Variants in CAPN8 observed in about 807,000 individuals in gnomAD.
CAPN8 encodes calpain 8.
A neutral mutation model predicts 80.9 loss-of-function variants in CAPN8; 87 were observed. The ratio of observed to expected loss-of-function variants is 1.07; its 90% CI spans 0.90 to 1.28. CAPN8 has a LOEUF of 1.28. Among genes scored for constraint, CAPN8 ranks in the 50% most tolerant of loss-of-function variants. The pLI is 0.00. For missense variants in CAPN8, 757 were observed against 702.0 expected, an observed-to-expected ratio of 1.08 and a Z score of -0.89; for synonymous variants, 299 against 273.8, an observed-to-expected ratio of 1.09 and a Z score of -0.91.
intron 1 of CAPN8, among the ~76,000 whole-genome samples, chr1:223,662,592 G>A (rs1330621980): frequency 6.6e-6 from 1 of 152,202 alleles, no homozygotes; most frequent in Non-Finnish European, 1.5e-5. Context: ...GGGTGGTGAT[G>A]GTTGCATAGC....
chr1:223,544,974 T>G, intron 17 of CAPN8, 124 bp from the exon 18 acceptor site: 1 of 1,495,294 alleles, frequency 6.7e-7, no homozygotes, highest in Non-Finnish European at 8.9e-7. Context: ...CCCTATTGAC[T>G]CCTCCCAAGA....
intron 1 of CAPN8, among the ~76,000 whole-genome samples, chr1:223,655,467 T>G (rs550485694): frequency 1.3e-5 from 2 of 152,248 alleles, no homozygotes; most frequent in East Asian, 3.9e-4. Flanking sequence ...TCCAGTACCC[T>G]TTGAACCATG....
chr1:223,637,981 C>A (rs2102722373), intron 2 of CAPN8, among the ~76,000 whole-genome samples: 1 of 152,286 alleles, frequency 6.6e-6, no homozygotes, highest in East Asian at 1.9e-4. Context: ...TTACTTGTAA[C>A]AAGCGAAATG....
intron 2 of CAPN8, among the ~76,000 whole-genome samples, chr1:223,635,593 T>G (rs897020842): frequency 2.6e-5 from 4 of 151,600 alleles, no homozygotes; most frequent in African/African-American, 9.7e-5. Context: ...CAAAGGTTAT[T>G]TGAAAATTCA....
rs980292281 is a variant in CAPN8, at chr1:223,619,275, G to A, written c.1135+18C>T. On this transcript the variant is annotated intron_variant, in intron 9 of 20. Coordinates refer to ENST00000366872, the MANE Select transcript of CAPN8 (RefSeq NM_001143962.2). ...GATAAGCTGGAGGAGGTTGGGCCAA[G>A]GCAGCCCTTCACCTTACCTGGGTAG... 1.5e-5 allele frequency: 24 copies of A among 1,551,226 alleles called. No individual in the cohort carries two copies. The Admixed American group carries it at 4.7e-4, about 30-fold the overall frequency.
chr1:223,661,285 CA>C (rs539951479), intron 1 of CAPN8, among the ~76,000 whole-genome samples: 313 of 152,078 alleles, frequency 2.1e-3, no homozygotes, highest in African/African-American at 7.4e-3. Context: ...AAATGCAAAT[CA>C]AAACCACAAT....
chr1:223,615,446 C>G (rs1326675604), intron 10 of CAPN8, among the ~76,000 whole-genome samples: 1 of 152,210 alleles, frequency 6.6e-6, no homozygotes, highest in African/African-American at 2.4e-5. Context: ...AGCCCAGAGA[C>G]AGCTGTATTC....
At position 223,545,298 on chromosome 1, in the gene CAPN8, C is replaced by G; in HGVS notation, c.1766G>C (p.Ser589Thr). The G allele has an allele frequency of 1.3e-6, 2 of 1,551,572 alleles. No individual in the cohort carries two copies. Among genetic ancestry groups the G allele is most frequent in the Non-Finnish European group, 1.7e-6 (2 of 1,146,926 alleles). Reference sequence around the variant, plus strand: ...CGCCCCCAAAGTGCCCGTTCCATTGCTCTAGGCACATTAAAGACCAACATG... The same window carrying G: ...CGCCCCCAAAGTGCCCGTTCCATTGGTCTAGGCACATTAAAGACCAACATG... ...TCREMISLLD[S>T]NGTGTLGAVE... Residue 589 changes from serine (S) to threonine (T), a missense_variant and splice_region_variant, in exon 17 of 21, where the codon AGC becomes ACC. Ser to Thr is a moderately conservative substitution (Grantham distance 58, BLOSUM62 1). Transcript: ENST00000366872.
At chr1:223,638,021 G>A (rs1470320871) in intron 2 of CAPN8, among the ~76,000 whole-genome samples, 1 of 152,058 alleles carries the variant, frequency 6.6e-6, no homozygotes, top group Non-Finnish European at 1.5e-5. Context: ...ATCTCCAGTT[G>A]GCCTTCTGTA....
At chr1:223,658,022 A>C (rs1413280045) in intron 1 of CAPN8, among the ~76,000 whole-genome samples, 1 of 151,936 alleles carries the variant, frequency 6.6e-6, no homozygotes, top group African/African-American at 2.4e-5. Context: ...GCATTCTTCT[A>C]CTGTGCTTAC....
chr1:223,611,794 C>T (rs886222235), intron 11 of CAPN8, among the ~76,000 whole-genome samples: 9 of 152,362 alleles, frequency 5.9e-5, no homozygotes, highest in African/African-American at 2.2e-4. Context: ...TGGATCAAGG[C>T]ATACACTAGA....
chr1:223,627,908 T>TG, intron 4 of CAPN8, 101 bp downstream of exon 4: 1 of 1,360,078 alleles, frequency 7.4e-7, no homozygotes, highest in South Asian at 1.6e-5. Context: ...AAAGACGCCA[T>TG]GACGCCCTGA....
At chr1:223,615,821 G>A (rs1200582353) in intron 10 of CAPN8, 149 bp downstream of exon 10, 2 of 924,830 alleles carry the variant, frequency 2.2e-6, no homozygotes, top group Admixed American at 4.0e-5. Context: ...GCCTCAGTAA[G>A]GCCACTGGGA....
chr1:223,555,004 T>G (rs1656872922), intron 13 of CAPN8, among the ~76,000 whole-genome samples: 1 of 152,224 alleles, frequency 6.6e-6, no homozygotes, highest in Non-Finnish European at 1.5e-5. Context: ...GAAAGCCGGG[T>G]TAATTTCTTT....
At chr1:223,623,780 G>T (rs1451903822) in intron 6 of CAPN8, among the ~76,000 whole-genome samples, 1 of 152,248 alleles carries the variant, frequency 6.6e-6, no homozygotes, top group South Asian at 2.1e-4. Context: ...CAGATCATGA[G>T]GTCAGGAGAT....
chr1:223,662,258 G>T (rs1295622194), intron 1 of CAPN8, among the ~76,000 whole-genome samples: 3 of 152,082 alleles, frequency 2.0e-5, no homozygotes, highest in African/African-American at 7.2e-5. Flanking sequence ...GACCATCCTG[G>T]CCAACATGGC....
chr1:223,555,785 A>G (rs1282401060), intron 13 of CAPN8, among the ~76,000 whole-genome samples: 32 of 152,362 alleles, frequency 2.1e-4, no homozygotes, highest in African/African-American at 7.7e-4. Context: ...ATTTTTGGAC[A>G]TTGGGAATGA....
At chr1:223,650,093 A>C (rs1175613352) in intron 2 of CAPN8, among the ~76,000 whole-genome samples, 1 of 152,052 alleles carries the variant, frequency 6.6e-6, no homozygotes, top group African/African-American at 2.4e-5. Flanking sequence ...GTGGTAGATC[A>C]AGAGAGAGAG....
chr1:223,554,816 T>A (rs1487242121), intron 13 of CAPN8, among the ~76,000 whole-genome samples: 1 of 152,192 alleles, frequency 6.6e-6, no homozygotes, highest in South Asian at 2.1e-4. Flanking sequence ...ATTTTAGGAA[T>A]CAAATGAGAG....
Sources: allele counts gnomAD v4.1 joint callset (sites outside exome capture counted in the v4.1 genomes callset), GRCh38; gene constraint gnomAD v4.1.1; transcripts MANE v1.5; gene names NCBI Gene and HGNC (gene_info 2026-07-23, HGNC 2026-07-21).